EML6: variants seen among roughly 807,000 people sequenced by gnomAD.
The protein encoded by EML6 is EMAP like 6.
Under a neutral mutation model 240.1 loss-of-function variants are expected in EML6, and 154 were observed. The ratio of observed to expected loss-of-function variants is 0.64; its 90% CI spans 0.56 to 0.73. The LOEUF is 0.73. Ranked by LOEUF, EML6 falls within the 30% of genes least tolerant of loss-of-function variation. The probability of loss-of-function intolerance (pLI) is 0.00; values close to 1 mark genes in which losing one functional copy is unlikely to be tolerated. For synonymous variants in EML6, 1,148 were observed against 899.0 expected (o/e 1.28, Z -4.95); for missense variants, 2,964 against 2,474.6 (o/e 1.20, Z -4.20).
chr2:54,791,815 C>G (rs1314563312), intron 2 of EML6, among the ~76,000 whole-genome samples: 1 of 152,174 alleles, frequency 6.6e-6, no homozygotes, highest in Non-Finnish European at 1.5e-5. Context: ...AGTAGCTGTG[C>G]TCTTGGACAA....
intron 17 of EML6, among the ~76,000 whole-genome samples, chr2:54,884,107 C>G (rs2104014326): frequency 6.6e-6 from 1 of 152,322 alleles, no homozygotes; most frequent in African/African-American, 2.4e-5. Flanking sequence ...GAGGTAGCCT[C>G]AGATGCCACA....
chr2:54,896,884 A>C (rs922641680), intron 21 of EML6, among the ~76,000 whole-genome samples: 2 of 152,214 alleles, frequency 1.3e-5, no homozygotes. Flanking sequence ...TGTGTTTTTA[A>C]AAGAAAAAAT....
At chr2:54,781,345 A>C (rs12994099) in intron 2 of EML6, among the ~76,000 whole-genome samples, 32,209 of 152,098 alleles carry the variant, frequency 0.21, 3,776 homozygotes, top group Middle Eastern at 0.31. Context: ...ATGGATTTTG[A>C]AAAAAGTGAT....
At chr2:54,957,613 C>T (rs1676290730) in intron 32 of EML6, among the ~76,000 whole-genome samples, 177 bp from the exon 33 acceptor site, 1 of 152,200 alleles carries the variant, frequency 6.6e-6, no homozygotes, top group South Asian at 2.1e-4. Context: ...TGGAAACTTG[C>T]CAGACACACT....
rs1483732642 is a variant in EML6, at chr2:54,971,401, G to A, written c.*1306G>A. ...GAGTTGGTGCGGGACTGGTGGTTCTGAGCACATAGACGCCTATTAGTCCTT... is the reference window on the plus strand; with the variant it reads ...GAGTTGGTGCGGGACTGGTGGTTCTAAGCACATAGACGCCTATTAGTCCTT... On this transcript the variant is annotated 3_prime_UTR_variant, in exon 42 of 42. Coordinates refer to ENST00000356458, the MANE Select transcript of EML6 (RefSeq NM_001039753.4). The A allele has an allele frequency of 6.6e-6, 1 of 152,214 alleles. No homozygotes were observed. 9.4% of individuals were successfully genotyped at this position (152,214 alleles called of 1,614,324 possible).
intron 10 of EML6, 119 bp from the exon 11 acceptor site, chr2:54,853,524 G>C: frequency 4.3e-6 from 3 of 700,262 alleles, no homozygotes; most frequent in East Asian, 2.9e-5. Context: ...GGGATAAAGA[G>C]ATTAAAATAT....
chr2:54,907,482 G>C (rs1673386784), intron 24 of EML6, among the ~76,000 whole-genome samples: 1 of 152,198 alleles, frequency 6.6e-6, no homozygotes, highest in South Asian at 2.1e-4. Flanking sequence ...ACTCCAGCCT[G>C]GGTAACAGAG....
intron 24 of EML6, among the ~76,000 whole-genome samples, chr2:54,904,441 A>G (rs1350928380): frequency 6.6e-6 from 1 of 152,158 alleles, no homozygotes; most frequent in Non-Finnish European, 1.5e-5. Flanking sequence ...GTATGCTCTG[A>G]GGGAAAGCTC....
intron 17 of EML6, among the ~76,000 whole-genome samples, chr2:54,883,391 TA>T (rs762910386): frequency 6.6e-6 from 1 of 152,202 alleles, no homozygotes; most frequent in Non-Finnish European, 1.5e-5. Context: ...TTAGTATATG[TA>T]TCAAACATTC....
At chr2:54,900,242 G>C (rs539083428) in intron 22 of EML6, among the ~76,000 whole-genome samples, 101 of 152,276 alleles carry the variant, frequency 6.6e-4, no homozygotes, top group African/African-American at 2.4e-3. Context: ...TGTACTGAGA[G>C]GTACAAATTC....
intron 2 of EML6, among the ~76,000 whole-genome samples, chr2:54,750,997 T>G (rs1432072452): frequency 6.6e-6 from 1 of 152,156 alleles, no homozygotes; most frequent in Non-Finnish European, 1.5e-5. Flanking sequence ...TAAAACAATA[T>G]GTATTTCAAA....
At chr2:54,890,716 C>G (rs4671988) in intron 17 of EML6, among the ~76,000 whole-genome samples, 1 of 152,056 alleles carries the variant, frequency 6.6e-6, no homozygotes, top group African/African-American at 2.4e-5. Flanking sequence ...TATCTCTTTC[C>G]TTCTGCACAT....
intron 2 of EML6, among the ~76,000 whole-genome samples, chr2:54,801,030 G>T (rs760417840): frequency 6.6e-6 from 1 of 151,932 alleles, no homozygotes; most frequent in Non-Finnish European, 1.5e-5. Context: ...TTTAAAAGTC[G>T]CTCATTGAGG....
chr2:54,806,360 C>G (rs549050073), intron 2 of EML6, among the ~76,000 whole-genome samples: 1 of 151,988 alleles, frequency 6.6e-6, no homozygotes, highest in South Asian at 2.1e-4. Context: ...CACTTGTAAT[C>G]CCAGCATTTT....
intron 16 of EML6, among the ~76,000 whole-genome samples, chr2:54,874,441 G>T (rs563976414): frequency 1.3e-5 from 2 of 152,166 alleles, no homozygotes; most frequent in Non-Finnish European, 2.9e-5. Context: ...CATAAGAAGG[G>T]TATTTCAGTA....
intron 39 of EML6, among the ~76,000 whole-genome samples, chr2:54,967,524 C>T (rs1020778337): frequency 6.6e-6 from 1 of 152,122 alleles, no homozygotes; most frequent in African/African-American, 2.4e-5. Context: ...TTGAAAGGAA[C>T]CCCTGCTGTT....
At chr2:54,809,613 G>C (rs75536023) in intron 2 of EML6, among the ~76,000 whole-genome samples, 1,808 of 152,166 alleles carry the variant, frequency 0.012, 38 homozygotes, top group African/African-American at 0.042. Context: ...GTTTCATTTG[G>C]GGAAAATTCA....
chr2:54,912,502 T>G (rs1157672130), intron 25 of EML6, among the ~76,000 whole-genome samples: 1 of 152,196 alleles, frequency 6.6e-6, no homozygotes, highest in Admixed American at 6.5e-5. Context: ...ATACAAATTA[T>G]TGCATCACCC....
At chr2:54,895,115 C>G (rs758300222) in intron 20 of EML6, 89 bp downstream of exon 20, 2 of 1,311,190 alleles carry the variant, frequency 1.5e-6, no homozygotes, top group Non-Finnish European at 2.1e-6. Context: ...ATTAGCAAAT[C>G]AATTTTCTCC....
Sources: gnomAD v4.1 joint callset for allele counts (sites outside exome capture counted in the v4.1 genomes callset) on GRCh38, gnomAD v4.1.1 for gene constraint, MANE v1.5 for transcripts, NCBI Gene and HGNC (gene_info 2026-07-23, HGNC 2026-07-21) for gene names.